MAF: variants seen among roughly 807,000 people sequenced by gnomAD.
MAF encodes MAF bZIP transcription factor.
A neutral mutation model predicts 22.0 loss-of-function variants in MAF; 10 were observed. The ratio of observed to expected loss-of-function variants is 0.45; its 90% CI spans 0.28 to 0.77. The LOEUF is 0.77. MAF is among the 30% of genes least tolerant of loss of function. MAF has a pLI of 0.12. For missense variants in MAF, 544 were observed against 548.4 expected (o/e 0.99, Z 0.08); for synonymous variants, 337 against 255.8 (o/e 1.32, Z -3.03).
chr16:79,271,392 G>A, the MAF span, among the ~76,000 whole-genome samples: 2,604 of 152,164 alleles, frequency 0.017, 86 homozygotes, highest in African/African-American at 0.059. Flanking sequence ...TACAAATAAG[G>A]CCATTTGGTG....
At chr16:79,418,921 T>A in the MAF span, among the ~76,000 whole-genome samples, 1 of 152,186 alleles carries the variant, frequency 6.6e-6, no homozygotes, top group Non-Finnish European at 1.5e-5. Context: ...GCCTTCCCCA[T>A]AATAAAAGAA....
the MAF span, among the ~76,000 whole-genome samples, chr16:79,389,742 C>T: frequency 1.1e-4 from 17 of 151,874 alleles, no homozygotes; most frequent in African/African-American, 3.9e-4. Flanking sequence ...TTTGGGAGCC[C>T]GACGCGGGCG....
chr16:79,545,333 T>C, the MAF span, among the ~76,000 whole-genome samples: 1 of 152,142 alleles, frequency 6.6e-6, no homozygotes, highest in Non-Finnish European at 1.5e-5. Flanking sequence ...GAACTGGACA[T>C]GCTGCAGAAC....
chr16:79,319,547 C>G, the MAF span, among the ~76,000 whole-genome samples: 1 of 152,180 alleles, frequency 6.6e-6, no homozygotes, highest in Non-Finnish European at 1.5e-5. Context: ...TGGGCTGTAA[C>G]AGATCTGACG....
At chr16:79,377,674 G>A in the MAF span, among the ~76,000 whole-genome samples, 2 of 152,186 alleles carry the variant, frequency 1.3e-5, no homozygotes, top group Non-Finnish European at 2.9e-5. Context: ...TAACATGTAA[G>A]TCTTTAATCC....
At chr16:79,306,880 G>T in the MAF span, among the ~76,000 whole-genome samples, 2 of 152,198 alleles carry the variant, frequency 1.3e-5, no homozygotes, top group African/African-American at 2.4e-5. Flanking sequence ...GATAACAGTA[G>T]CTGCATTACA....
the MAF span, among the ~76,000 whole-genome samples, chr16:79,334,135 G>T: frequency 5.3e-5 from 8 of 152,208 alleles, no homozygotes; most frequent in Admixed American, 5.2e-4. Flanking sequence ...GTTCACCAAA[G>T]ACACATTCAA....
the MAF span, among the ~76,000 whole-genome samples, chr16:79,336,424 C>T: frequency 2.6e-5 from 4 of 152,066 alleles, no homozygotes; most frequent in Admixed American, 2.6e-4. Context: ...GCTTCACTGG[C>T]AAATCTGTGT....
chr16:79,418,917 C>T, the MAF span, among the ~76,000 whole-genome samples: 1 of 152,114 alleles, frequency 6.6e-6, no homozygotes, highest in Non-Finnish European at 1.5e-5. Context: ...TGCTGCCTTC[C>T]CCATAATAAA....
chr16:79,435,374 G>A, the MAF span, among the ~76,000 whole-genome samples: 1 of 152,112 alleles, frequency 6.6e-6, no homozygotes, highest in African/African-American at 2.4e-5. Context: ...TGATGTTCCT[G>A]GAATTCAAGG....
At chr16:79,217,018 C>A in the MAF span, among the ~76,000 whole-genome samples, 1 of 152,174 alleles carries the variant, frequency 6.6e-6, no homozygotes, top group Non-Finnish European at 1.5e-5. Flanking sequence ...CCATGTTGGC[C>A]AGGCTGGTCT....
the MAF span, chr16:79,205,873 A>G: frequency 6.6e-6 from 1 of 152,194 alleles, no homozygotes; most frequent in Non-Finnish European, 1.5e-5. Flanking sequence ...GCCCGCACCT[A>G]CATGCGTGGG....
the MAF span, among the ~76,000 whole-genome samples, chr16:79,560,803 C>T: frequency 3.2e-3 from 487 of 152,314 alleles, no homozygotes; most frequent in Non-Finnish European, 5.9e-3. Flanking sequence ...CCTAGGTCAC[C>T]TCCACTACCC....
intron 1 of MAF, chr16:79,598,000 T>C (rs1047685173): frequency 6.3e-5 from 65 of 1,032,242 alleles, no homozygotes; most frequent in Non-Finnish European, 7.3e-5. Context: ...GCAGGCTTGA[T>C]TGTGGAAGGT....
At chr16:79,542,495 C>T in the MAF span, among the ~76,000 whole-genome samples, 1 of 152,134 alleles carries the variant, frequency 6.6e-6, no homozygotes, top group African/African-American at 2.4e-5. Context: ...ATCACACTAC[C>T]CCCAGCCACC....
chr16:79,480,954 T>C, the MAF span, among the ~76,000 whole-genome samples: 3 of 152,182 alleles, frequency 2.0e-5, no homozygotes, highest in Non-Finnish European at 4.4e-5. Context: ...CTCTGCTCTG[T>C]GACACCATCA....
At chr16:79,462,729 T>C in the MAF span, among the ~76,000 whole-genome samples, 1 of 152,352 alleles carries the variant, frequency 6.6e-6, no homozygotes, top group African/African-American at 2.4e-5. Context: ...TTGTGACCCA[T>C]GCTCTCTGGC....
chr16:79,442,585 A>G, the MAF span, among the ~76,000 whole-genome samples: 1,167 of 151,900 alleles, frequency 7.7e-3, 15 homozygotes, highest in African/African-American at 0.027. Context: ...ACTGTTGCCT[A>G]GGCTGACATA....
the MAF span, among the ~76,000 whole-genome samples, chr16:79,427,002 C>T: frequency 6.9e-4 from 105 of 152,340 alleles, no homozygotes; most frequent in African/African-American, 2.3e-3. Flanking sequence ...GCAGAAGTCA[C>T]TAAATTATCT....
Sources: allele counts gnomAD v4.1 joint callset (sites outside exome capture counted in the v4.1 genomes callset), GRCh38; gene constraint gnomAD v4.1.1; transcripts MANE v1.5; gene names NCBI Gene and HGNC (gene_info 2026-07-23, HGNC 2026-07-21).